Variants in ANO6 observed in about 807,000 individuals in gnomAD.
ANO6 encodes the protein anoctamin 6, also known as anoctamin-6.
In ANO6, 106 loss-of-function variants were observed where a neutral mutation model predicts 117.5. That is an observed-to-expected ratio of 0.90 (90% CI 0.77 to 1.06). The LOEUF (loss-of-function observed/expected upper bound fraction) is 1.06, where lower values mean the gene tolerates loss of function less well. Ranked by LOEUF, ANO6 falls within the 50% of genes least tolerant of loss-of-function variation. The probability of loss-of-function intolerance (pLI) is 0.00; values close to 1 mark genes in which losing one functional copy is unlikely to be tolerated. For missense variants in ANO6, 955 were observed against 1,121.1 expected, an observed-to-expected ratio of 0.85 and a Z score of 2.12; for synonymous variants, 367 against 385.1, an observed-to-expected ratio of 0.95 and a Z score of 0.55.
chr12:45,439,737 C>A (rs1943749659), exon 20 of ANO6: 2 of 1,547,220 alleles, frequency 1.3e-6, no homozygotes, highest in Non-Finnish European at 1.7e-6. Context: ...GCAACCTCCG[C>A]CTCCCAGTTG....
At chr12:45,275,004 C>T (rs1027620086) in intron 1 of ANO6, among the ~76,000 whole-genome samples, 2 of 151,606 alleles carry the variant, frequency 1.3e-5, no homozygotes, top group African/African-American at 4.9e-5. Flanking sequence ...AGTATATGTA[C>T]ATTTGTTTGT....
intron 12 of ANO6, among the ~76,000 whole-genome samples, chr12:45,390,989 C>CA (rs1942434475): frequency 6.6e-6 from 1 of 152,034 alleles, no homozygotes; most frequent in Admixed American, 6.5e-5. Context: ...GGCAAGGTGT[C>CA]ACACACCTGT....
At chr12:45,219,363 A>G (rs1230442607) in intron 1 of ANO6, among the ~76,000 whole-genome samples, 1 of 152,164 alleles carries the variant, frequency 6.6e-6, no homozygotes, top group Admixed American at 6.5e-5. Flanking sequence ...ATTTAGAGAC[A>G]GGGTCTCCCT....
At chr12:45,368,337 A>G (rs973698321) in intron 9 of ANO6, among the ~76,000 whole-genome samples, 1 of 152,224 alleles carries the variant, frequency 6.6e-6, no homozygotes, top group African/African-American at 2.4e-5. Context: ...AATTCAATTA[A>G]GTGGAAACCT....
intron 7 of ANO6, among the ~76,000 whole-genome samples, chr12:45,356,013 A>C (rs184270799): frequency 1.8e-4 from 27 of 152,298 alleles, no homozygotes; most frequent in Admixed American, 6.5e-4. Context: ...GAATATCAGC[A>C]ACAGCAGCAG....
At chr12:45,272,219 T>C (rs1938415302) in intron 1 of ANO6, among the ~76,000 whole-genome samples, 2 of 151,748 alleles carry the variant, frequency 1.3e-5, no homozygotes, top group African/African-American at 2.4e-5. Flanking sequence ...TTTGCTGCTA[T>C]GTAGGTGAAA....
intron 15 of ANO6, among the ~76,000 whole-genome samples, chr12:45,406,996 C>T (rs1942951651): frequency 6.6e-6 from 1 of 152,062 alleles, no homozygotes; most frequent in Non-Finnish European, 1.5e-5. Flanking sequence ...ATTTTGTAAC[C>T]CCTGCTTCTA....
intron 7 of ANO6, among the ~76,000 whole-genome samples, chr12:45,355,438 A>T (rs1399155817): frequency 6.6e-6 from 1 of 152,196 alleles, no homozygotes; most frequent in Admixed American, 6.5e-5. Context: ...TAAATACAGC[A>T]GGATTTTTTT....
intron 16 of ANO6, among the ~76,000 whole-genome samples, chr12:45,416,342 T>G (rs934613666): frequency 6.6e-6 from 1 of 151,832 alleles, no homozygotes; most frequent in Non-Finnish European, 1.5e-5. Flanking sequence ...AAAAAAATCC[T>G]AAACCACAAA....
intron 12 of ANO6, among the ~76,000 whole-genome samples, chr12:45,394,316 T>C (rs7313617): frequency 0.15 from 22,634 of 152,048 alleles, 2,310 homozygotes; most frequent in East Asian, 0.46. Context: ...AATATACATG[T>C]ACCCAATAAA....
intron 2 of ANO6, among the ~76,000 whole-genome samples, chr12:45,328,835 C>T (rs1421076044): frequency 6.6e-6 from 1 of 151,954 alleles, no homozygotes; most frequent in Non-Finnish European, 1.5e-5. Context: ...ATGTTTTTTC[C>T]ATATTTGCAC....
intron 1 of ANO6, among the ~76,000 whole-genome samples, chr12:45,297,667 C>G (rs1939339140): frequency 6.6e-6 from 1 of 152,130 alleles, no homozygotes; most frequent in Non-Finnish European, 1.5e-5. Flanking sequence ...AGCAGTACCA[C>G]CAAGGACTTT....
intron 1 of ANO6, among the ~76,000 whole-genome samples, chr12:45,271,768 G>A (rs1296580916): frequency 6.6e-6 from 1 of 152,180 alleles, no homozygotes; most frequent in African/African-American, 2.4e-5. Flanking sequence ...CTGAGATGCT[G>A]AAAAGTAATA....
chr12:45,272,545 G>A (rs1938427135), intron 1 of ANO6, among the ~76,000 whole-genome samples: 2 of 152,176 alleles, frequency 1.3e-5, no homozygotes, highest in African/African-American at 4.8e-5. Flanking sequence ...TAAGAAGAGA[G>A]AATTCTCCAG....
intron 1 of ANO6, among the ~76,000 whole-genome samples, chr12:45,238,880 A>G (rs1470005502): frequency 6.6e-6 from 1 of 152,204 alleles, no homozygotes. Flanking sequence ...CTTGCATCCC[A>G]GGGATGAAGC....
At position 45,430,776 on chromosome 12, in the gene ANO6, TG is replaced by T. The variant is rs1271827890; in HGVS notation, c.*1466del. ...AGCAGTCTACTTCACTTTATTGCCT[TG>T]TAAGTGTCAGGCCTCCTGGGCGCTC... is the stretch of plus-strand genomic sequence containing the variant. On this transcript the variant is annotated 3_prime_UTR_variant, in exon 20 of 20. Transcript: ENST00000320560. 6.1e-6 allele frequency: 6 copies of T among 985,276 alleles called. No individual in the cohort carries two copies. In the African/African-American group the frequency reaches 1.0e-4, roughly 17 times the overall value. The allele number at this position is 985,276 out of a possible 1,614,324, so 61.0% of individuals were successfully genotyped here.
chr12:45,368,594 G>A (rs934601858), intron 9 of ANO6, among the ~76,000 whole-genome samples: 4 of 152,168 alleles, frequency 2.6e-5, no homozygotes, highest in African/African-American at 7.2e-5. Context: ...GAAGAATGGA[G>A]GGAGCTTACT....
At chr12:45,439,860 C>T in exon 20 of ANO6, 2 of 1,532,494 alleles carry the variant, frequency 1.3e-6, no homozygotes, top group Non-Finnish European at 1.8e-6. Flanking sequence ...TATCTATTTT[C>T]TTTTCTGTTA....
At chr12:45,359,825 A>G (rs1941508100) in intron 8 of ANO6, among the ~76,000 whole-genome samples, 1 of 152,352 alleles carries the variant, frequency 6.6e-6, no homozygotes, top group African/African-American at 2.4e-5. Context: ...TTGTTGGGAT[A>G]TACAGTAACT....
Sources: gnomAD v4.1 joint callset for allele counts (sites outside exome capture counted in the v4.1 genomes callset) on GRCh38, gnomAD v4.1.1 for gene constraint, MANE v1.5 for transcripts, NCBI Gene and HGNC (gene_info 2026-07-23, HGNC 2026-07-21) for gene names.